The following CMC2 variants were observed in gnomAD, a reference collection of about 807,000 sequenced individuals.
CMC2 encodes the protein C-X9-C motif containing 2.
Under a neutral mutation model 7.5 loss-of-function variants are expected in CMC2, and 5 were observed. The ratio of observed to expected loss-of-function variants is 0.66; its 90% CI spans 0.35 to 1.40. The LOEUF (loss-of-function observed/expected upper bound fraction) is 1.40, where lower values mean the gene tolerates loss of function less well. Among genes scored for constraint, CMC2 ranks in the 40% most tolerant of loss-of-function variants. The pLI, the probability that CMC2 is intolerant of heterozygous loss-of-function variation, is 0.04. For missense variants in CMC2, 115 were observed against 92.3 expected (o/e 1.25, Z -1.01); for synonymous variants, 37 against 31.4 (o/e 1.18, Z -0.60).
At position 80,968,127 on chromosome 16, in the gene CMC2, C is replaced by T. The variant is rs1482373931; in HGVS notation, c.*7966G>A. 6.6e-6 allele frequency: 1 copy of T among 152,170 alleles called. No homozygotes were observed. The highest frequency in any genetic ancestry group is 1.5e-5 in the Non-Finnish European group (1 of 68,024). The allele number at this position is 152,170 out of a possible 1,614,324, so 9.4% of individuals were successfully genotyped here. On this transcript the variant is annotated 3_prime_UTR_variant, in exon 4 of 4. Transcript: ENST00000219400. ...CAGTTACATCAGAAAGAGTCTAAGT[C>T]AATGCTTCTCCAATTTTTATATGCA... is the stretch of plus-strand genomic sequence containing the variant.
intron 1 of CMC2, among the ~76,000 whole-genome samples, chr16:80,999,908 A>T (rs1968731587): frequency 6.6e-6 from 1 of 152,214 alleles, no homozygotes. Flanking sequence ...CTCTAGATAG[A>T]TTACAGATTT....
At position 80,970,353 on chromosome 16, in the gene CMC2, A is replaced by G. The variant is rs1314002443; in HGVS notation, c.*5740T>C. 6.6e-6 allele frequency: 1 copy of G among 152,192 alleles called. No homozygotes were observed. Among genetic ancestry groups the G allele is most frequent in the Non-Finnish European group, 1.5e-5 (1 of 68,052 alleles). 9.4% of individuals were successfully genotyped at this position (152,192 alleles called of 1,614,324 possible). On this transcript the variant is annotated 3_prime_UTR_variant, in exon 4 of 4. Coordinates refer to ENST00000219400, the MANE Select transcript of CMC2 (RefSeq NM_020188.5). Reference sequence around the variant, plus strand: ...ACTGTAAAGGAATTGGAGAAAATGCAGTATTTAGCTTTTGAGTTTCACAAA... The same window carrying G: ...ACTGTAAAGGAATTGGAGAAAATGCGGTATTTAGCTTTTGAGTTTCACAAA...
rs1911867081 is a variant in CMC2, at chr16:80,970,880, T to C, written c.*5213A>G. On this transcript the variant is annotated 3_prime_UTR_variant, in exon 4 of 4. Coordinates refer to ENST00000219400, the MANE Select transcript of CMC2 (RefSeq NM_020188.5). The stretch of plus-strand genomic sequence containing the variant: ...GAATAAGTAATTTTAAAAATACCCC[T>C]TAGACACAAATCTAGCAAAAGATGT... 1 of 152,196 alleles carries C rather than the reference T, an allele frequency of 6.6e-6. No homozygotes were observed. Among genetic ancestry groups the C allele is most frequent in the African/African-American group, 2.4e-5 (1 of 41,450 alleles). 9.4% of individuals were successfully genotyped at this position (152,196 alleles called of 1,614,324 possible). A position where few individuals can be genotyped will look rare whatever the true frequency, so the allele number is the denominator to read the frequency against.
intron 1 of CMC2, among the ~76,000 whole-genome samples, chr16:81,004,085 T>G (rs182504572): frequency 1.7e-3 from 256 of 152,110 alleles, no homozygotes; most frequent in Admixed American, 3.4e-3. Context: ...TCGCTGGGCG[T>G]GGTGGTGGGG....
At position 81,006,671 on chromosome 16, in the gene CMC2, C is replaced by G. The variant is rs1479008453; in HGVS notation, c.-36+63G>C. On this transcript the variant is annotated intron_variant, in intron 1 of 3. Coordinates refer to ENST00000219400, the MANE Select transcript of CMC2 (RefSeq NM_020188.5). ...CAGGAAGGGGCTCGGCGGGACGCGC[C>G]ATCAGGGACCTGAGGAGGAACAACG... 8.2e-6 allele frequency: 8 copies of G among 975,472 alleles called. No homozygotes were observed. In the Admixed American group the frequency reaches 2.5e-4, roughly 30 times the overall value. The allele number at this position is 975,472 out of a possible 1,614,324, so 60.4% of individuals were successfully genotyped here.
At chr16:80,997,090 C>T (rs1307786024) in intron 2 of CMC2, 5 of 563,294 alleles carry the variant, frequency 8.9e-6, no homozygotes, top group East Asian at 3.2e-5. Context: ...CCAGTTCAGA[C>T]GTTCCCTAAC....
At chr16:80,980,751 C>A (rs117123686) in intron 3 of CMC2, 15 of 672,132 alleles carry the variant, frequency 2.2e-5, no homozygotes, top group Non-Finnish European at 4.0e-5. Context: ...AAACCTTAAC[C>A]AGGCATGGTG....
chr16:80,993,924 T>C (rs1363393921), intron 2 of CMC2, among the ~76,000 whole-genome samples: 2 of 152,268 alleles, frequency 1.3e-5, no homozygotes, highest in East Asian at 3.9e-4. Flanking sequence ...AATTGGAGGA[T>C]TTATACTATA....
intron 1 of CMC2, among the ~76,000 whole-genome samples, chr16:81,000,762 T>C (rs767096136): frequency 2.4e-4 from 37 of 152,218 alleles, no homozygotes; most frequent in East Asian, 9.6e-4. Flanking sequence ...TGTCAATTAG[T>C]TCACCCACTG....
At position 81,006,777 on chromosome 16, in the gene CMC2, G is replaced by A. The variant is rs2151666330; in HGVS notation, c.-79C>T. On this transcript the variant is annotated 5_prime_UTR_variant, in exon 1 of 4. Coordinates refer to ENST00000219400, the MANE Select transcript of CMC2 (RefSeq NM_020188.5). ...GGGAGAACTGAAGCGGCAGTAGCCG[G>A]CGGAGACGCCCGACCCGAAGGCCGG... The A allele has an allele frequency of 6.1e-6, 6 of 985,692 alleles. No individual in the cohort carries two copies. The highest frequency in any genetic ancestry group is 7.2e-6 in the Non-Finnish European group (6 of 830,158). 61.1% of individuals were successfully genotyped at this position (985,692 alleles called of 1,614,324 possible). A position where few individuals can be genotyped will look rare whatever the true frequency, so the allele number is the denominator to read the frequency against.
chr16:80,998,315 G>A (rs1483334894), intron 1 of CMC2: 3 of 150,920 alleles, frequency 2.0e-5, no homozygotes, highest in Non-Finnish European at 4.4e-5. Flanking sequence ...GTTCCAAATA[G>A]AAAACAGGAA....
In CMC2 at chr16:80,967,280, A is replaced by G. The variant is rs1373048520; in HGVS notation, c.*8813T>C. 2 of 152,250 alleles carry G rather than the reference A, an allele frequency of 1.3e-5. No homozygotes were observed. The highest frequency in any genetic ancestry group is 2.9e-5 in the Non-Finnish European group (2 of 68,042). The allele number at this position is 152,250 out of a possible 1,614,324, so 9.4% of individuals were successfully genotyped here. On this transcript the variant is annotated 3_prime_UTR_variant, in exon 4 of 4. Transcript: ENST00000219400. ...TAAAGCCATCACAGCAACTTGAACT[A>G]TCCCTAGAGAATTTTCCTTTAATTG...
intron 1 of CMC2, chr16:81,001,136 C>A (rs1156234276): frequency 6.6e-6 from 1 of 152,126 alleles, no homozygotes; most frequent in Non-Finnish European, 1.5e-5. Flanking sequence ...TAAGTGGGAG[C>A]TAAACACTGG....
At chr16:80,979,198 G>A (rs1293809469) in intron 3 of CMC2, among the ~76,000 whole-genome samples, 1 of 152,168 alleles carries the variant, frequency 6.6e-6, no homozygotes, top group African/African-American at 2.4e-5. Context: ...ATACATGAGT[G>A]CAGACTCAGA....
chr16:80,977,969 G>A (rs1260956426), intron 3 of CMC2, among the ~76,000 whole-genome samples: 6 of 151,880 alleles, frequency 4.0e-5, no homozygotes, highest in African/African-American at 4.8e-5. Flanking sequence ...CTATTCAGGA[G>A]GCTGAGGCAG....
At chr16:80,977,667 G>A (rs1912578547) in intron 3 of CMC2, among the ~76,000 whole-genome samples, 2 of 152,160 alleles carry the variant, frequency 1.3e-5, no homozygotes, top group Admixed American at 6.5e-5. Context: ...AATATAAGGA[G>A]GTGGGCTAGA....
chr16:81,005,691 G>C (rs2078583412), intron 1 of CMC2, among the ~76,000 whole-genome samples: 1 of 152,156 alleles, frequency 6.6e-6, no homozygotes, highest in Admixed American at 6.5e-5. Context: ...GCTGCCTAGG[G>C]AGAAGGGCTT....
At chr16:81,004,949 A>T (rs1041589461) in intron 1 of CMC2, among the ~76,000 whole-genome samples, 3 of 152,252 alleles carry the variant, frequency 2.0e-5, no homozygotes, top group Non-Finnish European at 4.4e-5. Flanking sequence ...CTGTATTTTA[A>T]TGCCAGTTGG....
chr16:80,981,964 G>T (rs756006902), intron 2 of CMC2, 87 bp from the exon 3 acceptor site: 3 of 710,996 alleles, frequency 4.2e-6, no homozygotes, highest in South Asian at 1.8e-5. Context: ...CCACAGACAT[G>T]AGTTTACAGT....
Sources: allele counts gnomAD v4.1 joint callset (sites outside exome capture counted in the v4.1 genomes callset), GRCh38; gene constraint gnomAD v4.1.1; transcripts MANE v1.5; gene names NCBI Gene and HGNC (gene_info 2026-07-23, HGNC 2026-07-21).